WDR27: variants seen among roughly 807,000 people sequenced by gnomAD.
The protein encoded by WDR27 is WD repeat-containing protein 27.
WDR27 carries 100 observed loss-of-function variants against 114.4 expected under a neutral mutation model. The ratio of observed to expected loss-of-function variants is 0.87; its 90% CI spans 0.74 to 1.03. The LOEUF is 1.03. Among genes scored for constraint, WDR27 ranks in the 50% least tolerant of loss-of-function variants. The probability of loss-of-function intolerance (pLI) is 0.00; values close to 1 mark genes in which losing one functional copy is unlikely to be tolerated. For synonymous variants in WDR27, 449 were observed against 423.1 expected (o/e 1.06, Z -0.75); for missense variants, 1,129 against 1,092.9 (o/e 1.03, Z -0.47).
intron 2 of WDR27, among the ~76,000 whole-genome samples, chr6:169,677,612 A>C (rs1458377697): frequency 6.6e-6 from 1 of 152,258 alleles, no homozygotes; most frequent in Non-Finnish European, 1.5e-5. Context: ...TTTACTTAAG[A>C]TATTTGTGTA....
At chr6:169,492,538 AAT>A (rs2115440712) in intron 25 of WDR27, among the ~76,000 whole-genome samples, 1 of 152,240 alleles carries the variant, frequency 6.6e-6, no homozygotes, top group South Asian at 2.1e-4. Flanking sequence ...AATAACTCTT[AAT>A]ATATATCAAT....
chr6:169,448,818 C>G, the WDR27 span, among the ~76,000 whole-genome samples: 1 of 152,212 alleles, frequency 6.6e-6, no homozygotes, highest in Non-Finnish European at 1.5e-5. Flanking sequence ...GGGCACTTGT[C>G]CCACAGTGAG....
At chr6:169,516,788 AACACACACACACAC>A (rs3032851) in intron 25 of WDR27, among the ~76,000 whole-genome samples, 16 of 119,322 alleles carry the variant, frequency 1.3e-4, no homozygotes, top group South Asian at 6.2e-4. Flanking sequence ...GGCATGCTCC[AACACACACACACAC>A]ACACACACAC....
rs181752500 is a variant in WDR27, at chr6:169,545,878, G to A, written c.2645+26541C>T. 9.2e-5 allele frequency among the ~76,000 whole-genome samples: 14 copies of A among 151,512 alleles called. No homozygotes were observed. The East Asian group carries it at 2.3e-3, about 25-fold the overall frequency. On this transcript the variant is annotated intron_variant, in intron 25 of 25. Transcript: ENST00000448612. ...GTAATTATATATACATACATATAACGTGACTCTCAAAACTCAACAGGAAAA... is the reference window on the plus strand; with the variant it reads ...GTAATTATATATACATACATATAACATGACTCTCAAAACTCAACAGGAAAA...
At chr6:169,455,144 G>A (rs1051920788), downstream of WDR27, among the ~76,000 whole-genome samples, 9 of 152,334 alleles carry the variant, frequency 5.9e-5, no homozygotes, top group East Asian at 1.9e-4. Context: ...CTCAGTCCTC[G>A]TCACACAGAC....
At chr6:169,535,959 C>G (rs1208613747) in intron 25 of WDR27, among the ~76,000 whole-genome samples, 1 of 152,188 alleles carries the variant, frequency 6.6e-6, no homozygotes, top group Non-Finnish European at 1.5e-5. Flanking sequence ...AATACTGTTC[C>G]CACATACTTT....
chr6:169,648,915 G>A (rs555246838), intron 15 of WDR27, among the ~76,000 whole-genome samples: 4 of 152,342 alleles, frequency 2.6e-5, no homozygotes, highest in Admixed American at 2.0e-4. Flanking sequence ...TGCATGACAG[G>A]GAGGAGCATC....
chr6:169,428,608 A>AGGGGGGGG, the WDR27 span, among the ~76,000 whole-genome samples: 1 of 114,462 alleles, frequency 8.7e-6, no homozygotes, highest in Non-Finnish European at 1.8e-5. Flanking sequence ...GGCGGGGGGG[A>AGGGGGGGG]GGGGGGGGTT....
At chr6:169,685,058 T>A (rs546702969) in intron 2 of WDR27, among the ~76,000 whole-genome samples, 66 of 152,182 alleles carry the variant, frequency 4.3e-4, no homozygotes, top group Non-Finnish European at 8.1e-4. Context: ...TAAATGCCAC[T>A]AGTGTGGATT....
chr6:169,632,736 A>T (rs554508107), intron 21 of WDR27, among the ~76,000 whole-genome samples: 1 of 152,354 alleles, frequency 6.6e-6, no homozygotes, highest in Non-Finnish European at 1.5e-5. Flanking sequence ...TAAAATAATC[A>T]AACACAAACG....
At chr6:169,664,415 C>A (rs1014583366) in intron 7 of WDR27, 129 bp from the exon 8 acceptor site, 2 of 1,545,614 alleles carry the variant, frequency 1.3e-6, no homozygotes, top group African/African-American at 2.7e-5. Flanking sequence ...TGCAGAGGCT[C>A]CCGGCACAGC....
At chr6:169,470,124 A>G (rs953906168) in intron 25 of WDR27, among the ~76,000 whole-genome samples, 2 of 152,236 alleles carry the variant, frequency 1.3e-5, no homozygotes, top group Admixed American at 1.3e-4. Flanking sequence ...TTGTTCCTTT[A>G]TAACACAGAT....
At chr6:169,638,012 G>C (rs1469078851) in intron 18 of WDR27, among the ~76,000 whole-genome samples, 2 of 152,222 alleles carry the variant, frequency 1.3e-5, no homozygotes, top group Non-Finnish European at 2.9e-5. Context: ...TATACATGTA[G>C]ACACACATTT....
intron 25 of WDR27, among the ~76,000 whole-genome samples, chr6:169,507,766 T>G (rs1020157908): frequency 2.0e-5 from 3 of 152,194 alleles, no homozygotes; most frequent in African/African-American, 7.2e-5. Flanking sequence ...AAATAAAGTT[T>G]TATTGGTACA....
At chr6:169,576,293 TG>T (rs1455095647) in intron 24 of WDR27, among the ~76,000 whole-genome samples, 1 of 152,198 alleles carries the variant, frequency 6.6e-6, no homozygotes, top group Non-Finnish European at 1.5e-5. Flanking sequence ...GCCTCCACCT[TG>T]CCCCATGGCA....
intron 13 of WDR27, among the ~76,000 whole-genome samples, chr6:169,652,566 C>A (rs1822891673): frequency 6.6e-6 from 1 of 152,188 alleles, no homozygotes; most frequent in Non-Finnish European, 1.5e-5. Context: ...TTACATTTTG[C>A]ATAGCACTAC....
At chr6:169,637,653 CAT>C (rs1562771751) in intron 18 of WDR27, among the ~76,000 whole-genome samples, 2 of 146,194 alleles carry the variant, frequency 1.4e-5, no homozygotes, top group African/African-American at 5.1e-5. Context: ...TATGCATCTC[CAT>C]GTGTGTGAAT....
intron 25 of WDR27, among the ~76,000 whole-genome samples, chr6:169,465,995 T>C (rs1421048340): frequency 2.0e-5 from 3 of 152,204 alleles, no homozygotes; most frequent in Non-Finnish European, 2.9e-5. Context: ...ACTATAGACT[T>C]AAGAATGGTT....
intron 25 of WDR27, among the ~76,000 whole-genome samples, chr6:169,460,329 A>AT (rs1221343789): frequency 1.3e-5 from 2 of 152,190 alleles, no homozygotes; most frequent in Non-Finnish European, 1.5e-5. Context: ...AAGAAACATA[A>AT]TTTTTTGTGT....
Sources: allele counts gnomAD v4.1 joint callset (sites outside exome capture counted in the v4.1 genomes callset), GRCh38; gene constraint gnomAD v4.1.1; transcripts MANE v1.5; gene names NCBI Gene and HGNC (gene_info 2026-07-23, HGNC 2026-07-21).